FBXL18: variants seen among roughly 807,000 people sequenced by gnomAD.
FBXL18 encodes F-box and leucine rich repeat protein 18.
A neutral mutation model predicts 46.0 loss-of-function variants in FBXL18; 36 were observed. That is an observed-to-expected ratio of 0.78 (90% CI 0.60 to 1.03). The LOEUF is 1.03. Ranked by LOEUF, FBXL18 falls within the 50% of genes least tolerant of loss-of-function variation. FBXL18 has a pLI of 0.00. For missense variants in FBXL18, 977 were observed against 1,004.1 expected, an observed-to-expected ratio of 0.97 and a Z score of 0.36; for synonymous variants, 557 against 465.3, an observed-to-expected ratio of 1.20 and a Z score of -2.54.
chr7:5,500,153 T>A (rs959244144), intron 3 of FBXL18, among the ~76,000 whole-genome samples: 4 of 151,048 alleles, frequency 2.6e-5, no homozygotes, highest in African/African-American at 9.7e-5. Flanking sequence ...GTTCGAATCC[T>A]GCCTCCCCCA....
chr7:5,462,291 A>G (rs891111862), intron 4 of FBXL18, among the ~76,000 whole-genome samples: 1 of 152,168 alleles, frequency 6.6e-6, no homozygotes, highest in African/African-American at 2.4e-5. Flanking sequence ...CCCATCCATC[A>G]TTATCTCATT....
Position 5,501,859 on chromosome 7 carries a change from G to T in FBXL18, c.410C>A (p.Ser137Tyr). Residue 137 changes from serine to tyrosine, a missense_variant, in exon 3 of 5, where the codon TCC (serine) becomes TAC (tyrosine). Transcript: ENST00000382368. ...GTGCTGCAGGGCCGAGAGCATCTTG[G>T]AGAGGCGCAGGGAAGTGAGGTGGCA... ...SGCHLTSLRL[S>Y]KMLSALQHLR... 1 of 1,602,002 alleles carries T rather than the reference G, an allele frequency of 6.2e-7. No individual in the cohort carries two copies. Among genetic ancestry groups the T allele is most frequent in the Non-Finnish European group, 8.5e-7 (1 of 1,175,560 alleles).
chr7:5,510,118 A>G (rs1387890099), intron 1 of FBXL18, among the ~76,000 whole-genome samples: 1 of 151,896 alleles, frequency 6.6e-6, no homozygotes, highest in Non-Finnish European at 1.5e-5. Flanking sequence ...CCTGGCCAAC[A>G]TGGTGAAACC....
At chr7:5,510,162 C>T (rs1299340610) in intron 1 of FBXL18, among the ~76,000 whole-genome samples, 3 of 151,210 alleles carry the variant, frequency 2.0e-5, no homozygotes, top group Non-Finnish European at 2.9e-5. Flanking sequence ...ATTAGCTGGG[C>T]GTGGTGGCAG....
intron 4 of FBXL18, among the ~76,000 whole-genome samples, chr7:5,466,398 G>C (rs551547775): frequency 6.6e-6 from 1 of 152,180 alleles, no homozygotes; most frequent in Non-Finnish European, 1.5e-5. Context: ...GCCTTTGCCA[G>C]CTTCTAGAAT....
intron 1 of FBXL18, among the ~76,000 whole-genome samples, chr7:5,511,412 C>G (rs1448014128): frequency 6.6e-6 from 1 of 150,948 alleles, no homozygotes; most frequent in Non-Finnish European, 1.5e-5. Context: ...AACCCCGTCT[C>G]TACTAAAAAT....
chr7:5,492,958 C>T (rs1341005278), intron 3 of FBXL18, among the ~76,000 whole-genome samples: 1 of 152,188 alleles, frequency 6.6e-6, no homozygotes, highest in African/African-American at 2.4e-5. Context: ...CTGGCAGCCC[C>T]AGGATCCTAG....
rs965722664 is a variant in FBXL18 at position 5,476,104 on chromosome 7, A to C, written c.*5671T>G. Reference sequence around the variant, plus strand: ...TCTCTGGGCAGTCTCACGTGGACAGACAATGCTCAGAAGGTGGCGAAGGGG... The same window carrying C: ...TCTCTGGGCAGTCTCACGTGGACAGCCAATGCTCAGAAGGTGGCGAAGGGG... On this transcript the variant is annotated 3_prime_UTR_variant, in exon 5 of 5. Coordinates refer to ENST00000382368, the MANE Select transcript of FBXL18 (RefSeq NM_024963.6). The C allele has an allele frequency of 3.7e-4, 56 of 152,382 alleles. 1 individual carries two copies. Among genetic ancestry groups the C allele is most frequent in the African/African-American group, 1.3e-3 (53 of 41,442 alleles). The allele number at this position is 152,382 out of a possible 1,614,324, so 9.4% of individuals were successfully genotyped here.
chr7:5,508,051 G>A (rs1295997829), intron 1 of FBXL18, among the ~76,000 whole-genome samples: 3 of 151,584 alleles, frequency 2.0e-5, no homozygotes, highest in Non-Finnish European at 2.9e-5. Context: ...GGCGGATCAC[G>A]AAGTCAGTTC....
chr7:5,505,426 G>A lies in FBXL18; in HGVS notation c.223C>T (p.Gln75Ter). The A allele has an allele frequency of 6.2e-7, 1 of 1,614,072 alleles. No individual in the cohort carries two copies. ...DKSLIHTVLL[Q>*]KDYQASEDKV... ...CGCCTGCTCACCTGATAGTCCTTTT[G>A]CAGCAACACGGTGTGGATGAGGCTC... Residue 75 changes from glutamine (Q) to a stop codon, truncating the protein, a stop_gained, in exon 2 of 5, where the codon CAA becomes TAA. Coordinates refer to ENST00000382368, the MANE Select transcript of FBXL18 (RefSeq NM_024963.6). LOFTEE classifies it high-confidence loss of function.
At chr7:5,468,104 T>C (rs1161032144) in intron 4 of FBXL18, among the ~76,000 whole-genome samples, 1 of 151,862 alleles carries the variant, frequency 6.6e-6, no homozygotes, top group Non-Finnish European at 1.5e-5. Flanking sequence ...TGCCTCAGTC[T>C]CCCGAGTAGC....
intron 3 of FBXL18, chr7:5,495,688 G>A: frequency 2.9e-6 from 1 of 347,270 alleles, no homozygotes. Context: ...GGAGCATCGT[G>A]CCAGCCTCCA....
intron 4 of FBXL18, chr7:5,490,326 C>A: frequency 9.1e-7 from 1 of 1,104,776 alleles, no homozygotes; most frequent in South Asian, 2.1e-5. Flanking sequence ...CCTGAGAGGT[C>A]TTGAAATGCG....
At chr7:5,499,745 G>A (rs79770004) in intron 3 of FBXL18, among the ~76,000 whole-genome samples, 16,086 of 109,252 alleles carry the variant, frequency 0.15, 996 homozygotes, top group African/African-American at 0.2. Context: ...AAAAAAAAAA[G>A]AAAAAAAAAA....
chr7:5,458,984 C>T (rs2128230703), intron 4 of FBXL18, among the ~76,000 whole-genome samples: 1 of 152,026 alleles, frequency 6.6e-6, no homozygotes, highest in South Asian at 2.1e-4. Context: ...CCTCCACCCA[C>T]AGCCCATCTC....
chr7:5,481,922 G>C lies in FBXL18; in HGVS notation c.2010C>G (p.Ala670=). 6.2e-7 allele frequency: 1 copy of C among 1,605,416 alleles called. No individual in the cohort carries two copies. The highest frequency in any genetic ancestry group is 1.3e-5 in the African/African-American group (1 of 74,838). Residue 670 remains alanine, a synonymous_variant, in exon 5 of 5, where the codon GCC becomes GCG. Coordinates refer to ENST00000382368, the MANE Select transcript of FBXL18 (RefSeq NM_024963.6). The part of the protein sequence containing the change: ...LQQSLLRSFQ[A]ERPALNVVIF... ...TGACGACGTTTAACGCGGGCCGCTCGGCCTGGAAGCTGAACCAGAGACAGG... is the reference window on the plus strand; with the variant it reads ...TGACGACGTTTAACGCGGGCCGCTCCGCCTGGAAGCTGAACCAGAGACAGG...
intron 3 of FBXL18, among the ~76,000 whole-genome samples, chr7:5,493,666 TGCGTGC>T (rs1783991913): frequency 1.1e-5 from 1 of 89,518 alleles, no homozygotes; most frequent in African/African-American, 5.3e-5. Flanking sequence ...TGTGTGTGTG[TGCGTGC>T]GTGCGTGCGT....
intron 4 of FBXL18, among the ~76,000 whole-genome samples, chr7:5,459,527 T>C (rs1327297570): frequency 6.6e-6 from 1 of 151,246 alleles, no homozygotes; most frequent in African/African-American, 2.4e-5. Context: ...GAACACGAGG[T>C]CAGGAGATCA....
chr7:5,504,894 C>CA (rs1784354643), intron 2 of FBXL18, among the ~76,000 whole-genome samples: 1 of 95,998 alleles, frequency 1.0e-5, no homozygotes, highest in Non-Finnish European at 1.9e-5. Context: ...CTAGCCTGGG[C>CA]AAAAGAACGA....
Sources: allele counts gnomAD v4.1 joint callset (sites outside exome capture counted in the v4.1 genomes callset), GRCh38; gene constraint gnomAD v4.1.1; transcripts MANE v1.5; gene names NCBI Gene and HGNC (gene_info 2026-07-23, HGNC 2026-07-21).